Variants in BANK1 observed in about 807,000 individuals in gnomAD.
BANK1 encodes the protein B cell scaffold protein with ankyrin repeats 1.
A neutral mutation model predicts 94.5 loss-of-function variants in BANK1; 95 were observed. The ratio of observed to expected loss-of-function variants is 1.00; its 90% CI spans 0.85 to 1.19. BANK1 has a LOEUF of 1.19. BANK1 is among the 50% of genes most tolerant of loss of function. The pLI, the probability that BANK1 is intolerant of heterozygous loss-of-function variation, is 0.00. For synonymous variants in BANK1, 334 were observed against 308.4 expected (o/e 1.08, Z -0.87); for missense variants, 987 against 932.2 (o/e 1.06, Z -0.77).
At chr4:101,969,842 C>G (rs1469772266) in intron 7 of BANK1, among the ~76,000 whole-genome samples, 1 of 152,042 alleles carries the variant, frequency 6.6e-6, no homozygotes, top group Non-Finnish European at 1.5e-5. Context: ...TTTCAGATTT[C>G]CTCTTTTCAG....
At chr4:102,021,902 A>G (rs1160671448) in intron 8 of BANK1, among the ~76,000 whole-genome samples, 4 of 152,244 alleles carry the variant, frequency 2.6e-5, no homozygotes, top group Admixed American at 6.5e-5. Context: ...TTAAAAACTC[A>G]TAACCACATT....
intron 1 of BANK1, among the ~76,000 whole-genome samples, chr4:101,826,108 G>A (rs7698632): frequency 6.6e-6 from 1 of 151,852 alleles, no homozygotes; most frequent in African/African-American, 2.4e-5. Context: ...TTACTCTACT[G>A]TTAGAGTACA....
At chr4:101,932,767 C>T (rs1391062540) in intron 7 of BANK1, among the ~76,000 whole-genome samples, 1 of 151,386 alleles carries the variant, frequency 6.6e-6, no homozygotes, top group Non-Finnish European at 1.5e-5. Context: ...CTGGATGAGA[C>T]GGAACAGAGA....
intron 7 of BANK1, among the ~76,000 whole-genome samples, chr4:101,941,135 C>G (rs1414147140): frequency 6.6e-6 from 1 of 151,602 alleles, no homozygotes; most frequent in Non-Finnish European, 1.5e-5. Flanking sequence ...ATTATTCCAG[C>G]TTTGGCCATT....
chr4:101,886,591 A>G (rs1728864275), intron 5 of BANK1, among the ~76,000 whole-genome samples: 1 of 152,238 alleles, frequency 6.6e-6, no homozygotes, highest in Non-Finnish European at 1.5e-5. Context: ...AAAAAGAGGC[A>G]AAGGTAAGAA....
chr4:101,936,497 T>A (rs910330779), intron 7 of BANK1, among the ~76,000 whole-genome samples: 1 of 150,454 alleles, frequency 6.6e-6, no homozygotes, highest in African/African-American at 2.4e-5. Flanking sequence ...TATACATATA[T>A]GTATAAGATG....
chr4:101,817,145 A>G (rs1560585780), intron 1 of BANK1, among the ~76,000 whole-genome samples: 1 of 152,164 alleles, frequency 6.6e-6, no homozygotes, highest in Admixed American at 6.5e-5. Flanking sequence ...TCAAAATGCA[A>G]AGAGGCCCAT....
intron 7 of BANK1, among the ~76,000 whole-genome samples, chr4:101,987,852 G>A (rs1223409056): frequency 6.6e-6 from 1 of 152,154 alleles, no homozygotes; most frequent in African/African-American, 2.4e-5. Flanking sequence ...ATGGACACCA[G>A]GGTTGGTTTG....
intron 10 of BANK1, among the ~76,000 whole-genome samples, chr4:102,039,204 C>G (rs1727625603): frequency 6.6e-6 from 1 of 152,046 alleles, no homozygotes; most frequent in East Asian, 1.9e-4. Context: ...TGTCTGTGTC[C>G]ACACCTTGAA....
rs1728852804 is a variant in BANK1, at chr4:102,074,295, G to C, written c.*296G>C. Reference sequence around the variant, plus strand: ...CTAATTTCCATTTTGAAAATTAAAAGAAAACAGCACAGAGAAGTTAAATGC... The same window carrying C: ...CTAATTTCCATTTTGAAAATTAAAACAAAACAGCACAGAGAAGTTAAATGC... On this transcript the variant is annotated 3_prime_UTR_variant, in exon 17 of 17. Coordinates refer to ENST00000322953, the MANE Select transcript of BANK1 (RefSeq NM_017935.5). 6.6e-6 allele frequency: 1 copy of C among 152,186 alleles called. No individual in the cohort carries two copies. The highest frequency in any genetic ancestry group is 6.6e-5 in the Admixed American group (1 of 15,266). 9.4% of individuals were successfully genotyped at this position (152,186 alleles called of 1,614,324 possible).
intron 10 of BANK1, among the ~76,000 whole-genome samples, chr4:102,042,235 T>A (rs1188054335): frequency 6.6e-6 from 1 of 152,070 alleles, no homozygotes; most frequent in Non-Finnish European, 1.5e-5. Flanking sequence ...AACATTTATT[T>A]TAATATCCTA....
chr4:102,048,470 C>T (rs1295203259), intron 11 of BANK1, among the ~76,000 whole-genome samples: 2 of 152,110 alleles, frequency 1.3e-5, no homozygotes, highest in Non-Finnish European at 2.9e-5. Context: ...ATGAAAACTG[C>T]TTATTACCTA....
At chr4:101,862,871 A>C (rs1289801836) in intron 4 of BANK1, among the ~76,000 whole-genome samples, 1 of 152,072 alleles carries the variant, frequency 6.6e-6, no homozygotes, top group Non-Finnish European at 1.5e-5. Context: ...TAGTTTGTAT[A>C]CTGTGTAATG....
chr4:101,806,947 C>G (rs921036329), intron 1 of BANK1, among the ~76,000 whole-genome samples: 2 of 152,114 alleles, frequency 1.3e-5, no homozygotes, highest in Non-Finnish European at 2.9e-5. Context: ...TACCCTAACC[C>G]AATATCAGAT....
At position 101,974,137 on chromosome 4, in the gene BANK1, A is replaced by C. The variant is rs537137437; in HGVS notation, c.1207-47377A>C. Among the ~76,000 whole-genome samples, 136 of 152,236 alleles carry C rather than the reference A, an allele frequency of 8.9e-4. 3 individuals are homozygous for C. The highest frequency in any genetic ancestry group is 3.2e-4 in the Non-Finnish European group (22 of 68,020). The stretch of plus-strand genomic sequence containing the variant: ...AAATAATAAATATTCCTATTTAGAA[A>C]TATTTAAATACTTTCTCTGCTTCTT... On this transcript the variant is annotated intron_variant, in intron 7 of 16. Coordinates refer to ENST00000322953, the MANE Select transcript of BANK1 (RefSeq NM_017935.5).
chr4:101,806,194 T>G (rs1311090716), intron 1 of BANK1, among the ~76,000 whole-genome samples: 1 of 152,104 alleles, frequency 6.6e-6, no homozygotes, highest in Non-Finnish European at 1.5e-5. Context: ...TATACATTAC[T>G]TTTATTAGTT....
At chr4:102,062,102 A>T (rs1031129457) in intron 12 of BANK1, 2 of 152,214 alleles carry the variant, frequency 1.3e-5, no homozygotes, top group Admixed American at 1.3e-4. Context: ...AGCTTGGAAA[A>T]GTATTTGTTT....
chr4:101,853,995 G>A (rs1727589693), intron 2 of BANK1, among the ~76,000 whole-genome samples: 1 of 152,084 alleles, frequency 6.6e-6, no homozygotes, highest in African/African-American at 2.4e-5. Context: ...GTGACAGAGT[G>A]GCCTTGTCTA....
At chr4:101,942,283 C>G (rs17209152) in intron 7 of BANK1, among the ~76,000 whole-genome samples, 2,543 of 151,986 alleles carry the variant, frequency 0.017, 35 homozygotes, top group Middle Eastern at 0.037. Flanking sequence ...GCTTTTAATG[C>G]ATATGAAAGT....
Sources: allele counts gnomAD v4.1 joint callset (sites outside exome capture counted in the v4.1 genomes callset), GRCh38; gene constraint gnomAD v4.1.1; transcripts MANE v1.5; gene names NCBI Gene and HGNC (gene_info 2026-07-23, HGNC 2026-07-21).